Variants in PDE4D observed in about 807,000 individuals in gnomAD.
PDE4D encodes 3',5'-cyclic-AMP phosphodiesterase 4D.
PDE4D carries 24 observed loss-of-function variants against 87.4 expected under a neutral mutation model. The ratio of observed to expected loss-of-function variants is 0.27; its 90% CI spans 0.20 to 0.39. The LOEUF is 0.39. Among genes scored for constraint, PDE4D ranks in the 10% least tolerant of loss-of-function variants. The pLI is 1.00. For missense variants in PDE4D, 714 were observed against 1,041.0 expected (o/e 0.69, Z 4.32); for synonymous variants, 384 against 383.2 (o/e 1.00, Z -0.02).
chr5:59,230,640 C>T (rs1016857838), intron 1 of PDE4D, among the ~76,000 whole-genome samples: 2 of 151,960 alleles, frequency 1.3e-5, no homozygotes, highest in East Asian at 1.9e-4. Flanking sequence ...AAAATATAAC[C>T]GAATTCTGAT....
chr5:60,496,908 T>G (rs185263752), intron 1 of PDE4D, among the ~76,000 whole-genome samples: 16 of 152,332 alleles, frequency 1.1e-4, no homozygotes, highest in Admixed American at 7.8e-4. Flanking sequence ...TACCATTAAA[T>G]AATTTTTCAC....
At chr5:60,203,460 C>T (rs1742156545) in intron 1 of PDE4D, among the ~76,000 whole-genome samples, 1 of 152,058 alleles carries the variant, frequency 6.6e-6, no homozygotes, top group Non-Finnish European at 1.5e-5. Flanking sequence ...CTGTACTATG[C>T]CTCAACATCT....
At chr5:59,113,954 A>C (rs1407075560) in intron 5 of PDE4D, among the ~76,000 whole-genome samples, 1 of 152,148 alleles carries the variant, frequency 6.6e-6, no homozygotes, top group Admixed American at 6.5e-5. Flanking sequence ...ACTACCATAC[A>C]CTAGAAAATT....
intron 1 of PDE4D, among the ~76,000 whole-genome samples, chr5:60,398,982 T>A (rs1763087158): frequency 6.6e-6 from 1 of 152,206 alleles, no homozygotes; most frequent in African/African-American, 2.4e-5. Flanking sequence ...CAATGAGGCA[T>A]ACATCCCAAA....
At chr5:59,278,141 A>G (rs986794698) in intron 1 of PDE4D, among the ~76,000 whole-genome samples, 6 of 152,150 alleles carry the variant, frequency 3.9e-5, no homozygotes, top group Admixed American at 6.6e-5. Context: ...AGAATAAAAA[A>G]AAAGTATGTA....
At chr5:59,235,770 G>C (rs1234249643) in intron 1 of PDE4D, among the ~76,000 whole-genome samples, 1 of 152,112 alleles carries the variant, frequency 6.6e-6, no homozygotes, top group Non-Finnish European at 1.5e-5. Flanking sequence ...GAATGAAAAA[G>C]CTGGAAAAGG....
At chr5:59,156,320 A>AAAAAAATAT (rs548335725) in intron 5 of PDE4D, among the ~76,000 whole-genome samples, 3 of 81,780 alleles carry the variant, frequency 3.7e-5, no homozygotes, top group African/African-American at 1.5e-4. Flanking sequence ...AAAAAAAAAA[A>AAAAAAATAT]ATATATATAT....
chr5:59,886,590 C>A (rs887041901), intron 1 of PDE4D, among the ~76,000 whole-genome samples: 5 of 151,822 alleles, frequency 3.3e-5, no homozygotes, highest in African/African-American at 1.2e-4. Context: ...AAGAGGGTAA[C>A]ATGAACTGAG....
chr5:59,529,625 C>G (rs1813804387), intron 1 of PDE4D, among the ~76,000 whole-genome samples: 1 of 152,194 alleles, frequency 6.6e-6, no homozygotes, highest in African/African-American at 2.4e-5. Flanking sequence ...TCCCAATTTA[C>G]CTTCCTTTGA....
intron 1 of PDE4D, among the ~76,000 whole-genome samples, chr5:59,512,391 C>G (rs550521575): frequency 2.6e-5 from 4 of 152,198 alleles, no homozygotes; most frequent in African/African-American, 9.6e-5. Context: ...TCAACGTGCT[C>G]TTTTCTGAGG....
At chr5:60,261,212 C>A (rs913677644) in intron 1 of PDE4D, among the ~76,000 whole-genome samples, 3 of 152,146 alleles carry the variant, frequency 2.0e-5, no homozygotes, top group Admixed American at 6.6e-5. Flanking sequence ...CATACCATTT[C>A]TTGATCAAAT....
intron 1 of PDE4D, among the ~76,000 whole-genome samples, chr5:59,571,382 C>G (rs553824957): frequency 1.3e-5 from 2 of 152,228 alleles, no homozygotes; most frequent in East Asian, 3.9e-4. Flanking sequence ...GATTGACGCT[C>G]TGAAGAAGCC....
chr5:60,291,721 G>A (rs1370664050), intron 1 of PDE4D, among the ~76,000 whole-genome samples: 1 of 151,916 alleles, frequency 6.6e-6, no homozygotes, highest in African/African-American at 2.4e-5. Context: ...GCTAGCAACT[G>A]GGCAGTGAGA....
intron 1 of PDE4D, among the ~76,000 whole-genome samples, chr5:59,364,376 A>C (rs946146072): frequency 7.3e-5 from 10 of 136,370 alleles, no homozygotes; most frequent in Non-Finnish European, 1.2e-4. Flanking sequence ...AGCCATTTTT[A>C]TATTAGAGAT....
At chr5:60,365,441 G>T (rs1400303182) in intron 1 of PDE4D, among the ~76,000 whole-genome samples, 1 of 152,104 alleles carries the variant, frequency 6.6e-6, no homozygotes, top group African/African-American at 2.4e-5. Flanking sequence ...TACTCTATTT[G>T]TCAAGTCCCT....
chr5:59,107,838 CT>C (rs1771893687), intron 5 of PDE4D, among the ~76,000 whole-genome samples: 1 of 152,174 alleles, frequency 6.6e-6, no homozygotes, highest in African/African-American at 2.4e-5. Context: ...GAAAGCCTGG[CT>C]TTTGTGTTCT....
chr5:59,809,041 T>A (rs1043739562), intron 1 of PDE4D, among the ~76,000 whole-genome samples: 7 of 152,156 alleles, frequency 4.6e-5, no homozygotes, highest in Non-Finnish European at 8.8e-5. Flanking sequence ...ATCGAGTCAC[T>A]ACCCCGTAAT....
intron 1 of PDE4D, among the ~76,000 whole-genome samples, chr5:60,374,718 C>T (rs1335747412): frequency 6.6e-6 from 1 of 152,064 alleles, no homozygotes; most frequent in East Asian, 1.9e-4. Flanking sequence ...GGCATTGTTC[C>T]CAGTTCAAAA....
chr5:59,540,349 T>A (rs1212816666), intron 1 of PDE4D, among the ~76,000 whole-genome samples: 2 of 151,346 alleles, frequency 1.3e-5, no homozygotes, highest in African/African-American at 4.9e-5. Flanking sequence ...GTACATCATT[T>A]AAAAAAACGA....
Sources: allele counts gnomAD v4.1 joint callset (sites outside exome capture counted in the v4.1 genomes callset), GRCh38; gene constraint gnomAD v4.1.1; transcripts MANE v1.5; gene names NCBI Gene and HGNC (gene_info 2026-07-23, HGNC 2026-07-21).